The following TSHZ2 variants were observed in gnomAD, a reference collection of about 807,000 sequenced individuals.
TSHZ2 encodes teashirt homolog 2.
TSHZ2 carries 21 observed loss-of-function variants against 74.4 expected under a neutral mutation model. The observed-to-expected ratio is 0.28, with a 90% CI of 0.20 to 0.41. The LOEUF is 0.41. Among genes scored for constraint, TSHZ2 ranks in the 10% least tolerant of loss-of-function variants. The pLI is 1.00. For synonymous variants in TSHZ2, 540 were observed against 515.3 expected, an observed-to-expected ratio of 1.05 and a Z score of -0.65; for missense variants, 1,244 against 1,293.5, an observed-to-expected ratio of 0.96 and a Z score of 0.59.
chr20:53,223,527 G>A (rs1335884349), intron 1 of TSHZ2, among the ~76,000 whole-genome samples: 1 of 152,110 alleles, frequency 6.6e-6, no homozygotes, highest in Non-Finnish European at 1.5e-5. Context: ...AGATAGCTGG[G>A]ACTACAGATA....
chr20:53,161,222 C>T (rs770538730), intron 1 of TSHZ2, among the ~76,000 whole-genome samples: 23 of 149,596 alleles, frequency 1.5e-4, no homozygotes, highest in Non-Finnish European at 2.7e-4. Flanking sequence ...AGGAAAAACC[C>T]AGCCAAATGA....
chr20:53,073,002 C>T (rs985062017), intron 1 of TSHZ2, among the ~76,000 whole-genome samples: 3 of 150,528 alleles, frequency 2.0e-5, no homozygotes, highest in Non-Finnish European at 3.0e-5. Context: ...TCCATCCCTC[C>T]CTCCATCCAT....
intron 1 of TSHZ2, among the ~76,000 whole-genome samples, chr20:53,092,666 TTAAGA>T (rs750893683): frequency 6.6e-6 from 1 of 152,198 alleles, no homozygotes; most frequent in Admixed American, 6.5e-5. Context: ...TTTTGAAGTC[TTAAGA>T]TAAAATACTA....
At chr20:53,073,362 C>T (rs1985256792) in intron 1 of TSHZ2, among the ~76,000 whole-genome samples, 1 of 147,338 alleles carries the variant, frequency 6.8e-6, no homozygotes, top group South Asian at 2.3e-4. Context: ...TCATCTGTCC[C>T]TCCCTCCCTC....
chr20:53,193,641 C>T lies in TSHZ2; in HGVS notation c.41-59858C>T, dbSNP rs147060942. 8.9e-4 allele frequency among the ~76,000 whole-genome samples: 136 copies of T among 152,310 alleles called. 1 individual carries two copies. The highest frequency in any genetic ancestry group is 3.4e-3 in the Middle Eastern group (1 of 294). ...CTTTTTTCAATGGGTTGAATTCATACAGGCACCCACCCTTTCTTTTCAGTG... is the reference window on the plus strand; with the variant it reads ...CTTTTTTCAATGGGTTGAATTCATATAGGCACCCACCCTTTCTTTTCAGTG... On this transcript the variant is annotated intron_variant, in intron 1 of 2. Coordinates refer to ENST00000371497, the MANE Select transcript of TSHZ2 (RefSeq NM_173485.6).
intron 2 of TSHZ2, among the ~76,000 whole-genome samples, chr20:53,381,768 CCCA>C (rs1322524190): frequency 6.6e-6 from 1 of 152,042 alleles, no homozygotes; most frequent in Non-Finnish European, 1.5e-5. Flanking sequence ...TCATTTCCTC[CCCA>C]TGACTTTTGG....
chr20:53,375,872 C>A (rs1210961320), intron 2 of TSHZ2, among the ~76,000 whole-genome samples: 1 of 152,180 alleles, frequency 6.6e-6, no homozygotes, highest in African/African-American at 2.4e-5. Context: ...ACTCCTTTGC[C>A]AGTTTGCCTT....
chr20:53,343,052 C>T (rs1409282252), intron 2 of TSHZ2, among the ~76,000 whole-genome samples: 4 of 147,220 alleles, frequency 2.7e-5, no homozygotes, highest in African/African-American at 5.1e-5. Context: ...CTGCAATCTC[C>T]GCCTCCCGGG....
intron 1 of TSHZ2, chr20:53,185,572 ATCACGCCACTGCAC>A (rs1459892258): frequency 6.7e-7 from 1 of 1,501,234 alleles, no homozygotes; most frequent in African/African-American, 1.4e-5. Context: ...GTGAGCTGAG[ATCACGCCACTGCAC>A]TCCAGCTGGG....
chr20:53,267,443 A>G (rs1990744588), intron 2 of TSHZ2, among the ~76,000 whole-genome samples: 1 of 152,234 alleles, frequency 6.6e-6, no homozygotes, highest in African/African-American at 2.4e-5. Flanking sequence ...TAAAGGCGCT[A>G]TTCACATCTT....
chr20:53,200,346 G>GA (rs1488663674), intron 1 of TSHZ2, among the ~76,000 whole-genome samples: 2 of 151,972 alleles, frequency 1.3e-5, no homozygotes, highest in South Asian at 2.1e-4. Flanking sequence ...GCCTTCACCT[G>GA]AAAACCAGGA....
At chr20:53,100,240 G>C (rs1362063745) in intron 1 of TSHZ2, among the ~76,000 whole-genome samples, 2 of 152,028 alleles carry the variant, frequency 1.3e-5, no homozygotes, top group Non-Finnish European at 1.5e-5. Context: ...TAACCTATTT[G>C]CAAACGGCCT....
At chr20:53,192,542 G>C (rs56097792) in intron 1 of TSHZ2, among the ~76,000 whole-genome samples, 12,557 of 147,124 alleles carry the variant, frequency 0.085, 1,027 homozygotes, top group East Asian at 0.34. Flanking sequence ...AGCACAAAAG[G>C]AAGGACAATT....
At chr20:53,390,537 G>A (rs967161992) in intron 2 of TSHZ2, among the ~76,000 whole-genome samples, 3 of 152,202 alleles carry the variant, frequency 2.0e-5, no homozygotes, top group African/African-American at 7.2e-5. Flanking sequence ...CACCGACTGT[G>A]TGCCTTCTTC....
chr20:52,990,507 A>G (rs1441171652), intron 1 of TSHZ2, among the ~76,000 whole-genome samples: 1 of 152,180 alleles, frequency 6.6e-6, no homozygotes, highest in Non-Finnish European at 1.5e-5. Flanking sequence ...TGAACAACAG[A>G]AAAGAAATCA....
chr20:53,132,415 A>G (rs542170654), intron 1 of TSHZ2, among the ~76,000 whole-genome samples: 5 of 151,464 alleles, frequency 3.3e-5, no homozygotes, highest in Non-Finnish European at 7.4e-5. Flanking sequence ...GGTTCAAGCA[A>G]TTCTCCTGCC....
At chr20:53,462,811 CCAGTGGTTAAGGGG>C (rs1459991079) in intron 2 of TSHZ2, among the ~76,000 whole-genome samples, 1 of 152,088 alleles carries the variant, frequency 6.6e-6, no homozygotes, top group Non-Finnish European at 1.5e-5. Flanking sequence ...GTCACATGAG[CCAGTGGTTAAGGGG>C]CAGGGGTGAT....
chr20:53,313,792 G>A (rs566442907), intron 2 of TSHZ2, among the ~76,000 whole-genome samples: 62 of 152,252 alleles, frequency 4.1e-4, no homozygotes, highest in African/African-American at 1.4e-3. Flanking sequence ...AAAATCCACC[G>A]AATCTGCTTC....
chr20:53,001,205 C>CGTGTGTGTGTGTGTGTGTGTGTATGTGT (rs1982398139), intron 1 of TSHZ2, among the ~76,000 whole-genome samples: 4 of 94,192 alleles, frequency 4.2e-5, no homozygotes, highest in African/African-American at 1.6e-4. Flanking sequence ...CGTTCATGTG[C>CGTGTGTGTGTGTGTGTGTGTGTATGTGT]GTGTGTGTGT....
Sources: allele counts gnomAD v4.1 joint callset (sites outside exome capture counted in the v4.1 genomes callset), GRCh38; gene constraint gnomAD v4.1.1; transcripts MANE v1.5; gene names NCBI Gene and HGNC (gene_info 2026-07-23, HGNC 2026-07-21).